The following VPS37A variants were observed in gnomAD, a reference collection of about 807,000 sequenced individuals.
VPS37A encodes vacuolar protein sorting-associated protein 37A.
In VPS37A, 30 loss-of-function variants were observed where a neutral mutation model predicts 49.8. The observed-to-expected ratio is 0.60, with a 90% CI of 0.45 to 0.82. The LOEUF is 0.82. Ranked by LOEUF, VPS37A falls within the 40% of genes least tolerant of loss-of-function variation. The pLI is 0.00. For synonymous variants in VPS37A, 195 were observed against 160.6 expected, an observed-to-expected ratio of 1.21 and a Z score of -1.62; for missense variants, 593 against 464.4, an observed-to-expected ratio of 1.28 and a Z score of -2.55.
intron 1 of VPS37A, among the ~76,000 whole-genome samples, chr8:17,251,440 A>G (rs1811963015): frequency 6.6e-6 from 1 of 152,240 alleles, no homozygotes; most frequent in Non-Finnish European, 1.5e-5. Flanking sequence ...AGTATCTAGC[A>G]CATAGTAGGC....
At position 17,276,502 on chromosome 8, in the gene VPS37A, A is replaced by G. The variant is rs373249247; in HGVS notation, c.713+35A>G. 1.5e-5 allele frequency: 23 copies of G among 1,572,120 alleles called. No individual in the cohort carries two copies. In the African/African-American group the frequency reaches 1.6e-4, roughly 11 times the overall value. ...GAAAGTAAAGTTGGTCACATTGTCT[A>G]TTTTATTTGTAAGCATAAACCAGAT... On this transcript the variant is annotated intron_variant, in intron 6 of 11. Coordinates refer to ENST00000324849, the MANE Select transcript of VPS37A (RefSeq NM_152415.3).
chr8:17,332,417 T>C, the VPS37A span, among the ~76,000 whole-genome samples: 2 of 152,092 alleles, frequency 1.3e-5, no homozygotes, highest in Non-Finnish European at 2.9e-5. Flanking sequence ...CATGACTATC[T>C]CAATAGGACA....
chr8:17,282,581 C>G (rs1426332089), intron 9 of VPS37A, among the ~76,000 whole-genome samples: 2 of 152,030 alleles, frequency 1.3e-5, no homozygotes, highest in Non-Finnish European at 2.9e-5. Flanking sequence ...TTAGCCTATA[C>G]AACAAATACT....
At chr8:17,300,872 CAT>C (rs1162574982), downstream of VPS37A, among the ~76,000 whole-genome samples, 17 of 152,316 alleles carry the variant, frequency 1.1e-4, no homozygotes, top group South Asian at 1.9e-3. Flanking sequence ...AATCATACAA[CAT>C]GTGGATTTTT....
chr8:17,286,729 T>C, intron 11 of VPS37A: 1 of 209,822 alleles, frequency 4.8e-6, no homozygotes, highest in Non-Finnish European at 9.5e-6. Context: ...AGAGTATACC[T>C]TGTCATGTGG....
At chr8:17,305,958 C>T, downstream of VPS37A, 1 of 1,609,328 alleles carries the variant, frequency 6.2e-7, no homozygotes, top group Non-Finnish European at 8.5e-7. Context: ...ATTGCCATAT[C>T]TATAAAACAA....
chr8:17,325,232 G>A, the VPS37A span, among the ~76,000 whole-genome samples: 2 of 152,054 alleles, frequency 1.3e-5, no homozygotes, highest in African/African-American at 2.4e-5. Context: ...AAGGCACCTT[G>A]GCAGGGAGAC....
chr8:17,248,055 T>A (rs893177968), intron 1 of VPS37A: 1 of 439,016 alleles, frequency 2.3e-6, no homozygotes. Context: ...ATGGTCAGTT[T>A]AGAAATATTT....
the VPS37A span, among the ~76,000 whole-genome samples, chr8:17,321,264 C>T: frequency 6.6e-6 from 1 of 152,214 alleles, no homozygotes; most frequent in Non-Finnish European, 1.5e-5. Flanking sequence ...GAATGGATGG[C>T]CACAGGACCA....
In VPS37A at chr8:17,295,079, G is replaced by A. The variant is rs1273899039; in HGVS notation, c.*93G>A. ...TGGTTTGCAAACTGGCATTTCATCA[G>A]TGGCTAAATTCACAGATATCCTATA... On this transcript the variant is annotated 3_prime_UTR_variant, in exon 12 of 12. Transcript: ENST00000324849. 1 of 152,630 alleles carries A rather than the reference G, an allele frequency of 6.6e-6. No individual in the cohort carries two copies. The highest frequency in any genetic ancestry group is 2.4e-5 in the African/African-American group (1 of 41,446). 9.5% of individuals were successfully genotyped at this position (152,630 alleles called of 1,614,324 possible).
intron 4 of VPS37A, among the ~76,000 whole-genome samples, chr8:17,273,861 T>C (rs1485378289): frequency 6.6e-6 from 1 of 152,234 alleles, no homozygotes; most frequent in Non-Finnish European, 1.5e-5. Flanking sequence ...AAAAAATTAA[T>C]ACATTTTGAA....
At chr8:17,319,511 C>T in the VPS37A span, among the ~76,000 whole-genome samples, 1 of 152,268 alleles carries the variant, frequency 6.6e-6, no homozygotes, top group South Asian at 2.1e-4. Context: ...AGACAAACCT[C>T]GAGTTTTTGC....
At chr8:17,278,049 A>G (rs768144773) in intron 6 of VPS37A, among the ~76,000 whole-genome samples, 2 of 152,068 alleles carry the variant, frequency 1.3e-5, no homozygotes, top group Non-Finnish European at 2.9e-5. Flanking sequence ...AAAATTTTCC[A>G]TATCCTGTTT....
intron 9 of VPS37A, among the ~76,000 whole-genome samples, chr8:17,283,410 G>C (rs934288829): frequency 8.6e-5 from 13 of 152,046 alleles, no homozygotes; most frequent in Non-Finnish European, 1.6e-4. Flanking sequence ...CTTGCCTCAG[G>C]CTCCCACAGT....
downstream of VPS37A, among the ~76,000 whole-genome samples, chr8:17,303,047 G>A (rs1325336772): frequency 6.6e-6 from 1 of 151,932 alleles, no homozygotes; most frequent in Admixed American, 6.6e-5. Context: ...AAAAGCAACT[G>A]GAGTGCAAAT....
Position 17,247,220 on chromosome 8 carries a change from C to T in VPS37A, c.-25C>T, listed in dbSNP as rs1473716679. The T allele has an allele frequency of 4.5e-6, 7 of 1,562,998 alleles. No homozygotes were observed. The highest frequency in any genetic ancestry group is 1.7e-4 in the Middle Eastern group (1 of 5,740). On this transcript the variant is annotated 5_prime_UTR_variant, in exon 1 of 12. Coordinates refer to ENST00000324849, the MANE Select transcript of VPS37A (RefSeq NM_152415.3). ...AGAAGCAGGCCAGAGCCTTCCAGGG[C>T]CTCCGGCCCGTGGACCCGAGGAGGA...
rs1491582786 is a variant in VPS37A, at chr8:17,277,901, C to CACAG, written c.713+1435_713+1436insCAGA. Among the ~76,000 whole-genome samples the CACAG allele has an allele frequency of 1.6e-3, 242 of 147,630 alleles. 1 individual carries two copies. Among genetic ancestry groups the CACAG allele is most frequent in the African/African-American group, 5.9e-3 (231 of 39,338 alleles). ...ACACACACACACACACACACACACA[C>CACAG]AGACATATACATATGTGTATTTACA... On this transcript the variant is annotated intron_variant, in intron 6 of 11. Coordinates refer to ENST00000324849, the MANE Select transcript of VPS37A (RefSeq NM_152415.3).
chr8:17,284,610 G>C lies in VPS37A; in HGVS notation c.1107G>C (p.Lys369Asn). 6.2e-7 allele frequency: 1 copy of C among 1,600,472 alleles called. No individual in the cohort carries two copies. Among genetic ancestry groups the C allele is most frequent in the Non-Finnish European group, 8.5e-7 (1 of 1,175,690 alleles). Residue 369 changes from lysine (K) to asparagine (N), a missense_variant, in exon 10 of 12, where the codon AAG (lysine) becomes AAC (asparagine). Coordinates refer to ENST00000324849, the MANE Select transcript of VPS37A (RefSeq NM_152415.3). ...IDDFLSSFME[K>N]RTICHCRRAK... The stretch of plus-strand genomic sequence containing the variant: ...ATTTTCTCAGTAGCTTCATGGAAAA[G>C]AGAACAGTATGTAATACTCGTCAGT...
rs778809661 is a variant in VPS37A at position 17,280,388 on chromosome 8, C to A, written c.914C>A (p.Thr305Lys). The change falls in exon 9 of 12, where the codon ACA becomes AAA. Residue 305 changes from threonine (T) to lysine (K), a missense_variant. Coordinates refer to ENST00000324849, the MANE Select transcript of VPS37A (RefSeq NM_152415.3). Reference protein sequence around the residue: ...QTVLDKYELLTQMKSTFEKKM... With the variant: ...QTVLDKYELLKQMKSTFEKKM... Reference sequence around the variant, plus strand: ...TTTCTCTTTTAGTATGAATTACTTACACAGATGAAGTCCACTTTCGAAAAG... The same window carrying A: ...TTTCTCTTTTAGTATGAATTACTTAAACAGATGAAGTCCACTTTCGAAAAG... 3.0e-5 allele frequency: 49 copies of A among 1,609,700 alleles called. No individual in the cohort carries two copies. Among genetic ancestry groups the A allele is most frequent in the East Asian group, 1.3e-4 (6 of 44,788 alleles).
Sources: allele counts gnomAD v4.1 joint callset (sites outside exome capture counted in the v4.1 genomes callset), GRCh38; gene constraint gnomAD v4.1.1; transcripts MANE v1.5; gene names NCBI Gene and HGNC (gene_info 2026-07-23, HGNC 2026-07-21).